Variants in RAD51B observed in about 807,000 individuals in gnomAD.
The protein encoded by RAD51B is DNA repair protein RAD51 homolog 2.
Under a neutral mutation model 42.2 loss-of-function variants are expected in RAD51B, and 38 were observed. The ratio of observed to expected loss-of-function variants is 0.90; its 90% CI spans 0.70 to 1.18. The LOEUF is 1.18. RAD51B is among the 50% of genes most tolerant of loss of function. The pLI is 0.00. For missense variants in RAD51B, 373 were observed against 400.7 expected, an observed-to-expected ratio of 0.93 and a Z score of 0.59; for synonymous variants, 154 against 145.2, an observed-to-expected ratio of 1.06 and a Z score of -0.43.
At chr14:68,570,603 A>G (rs11628293) in intron 10 of RAD51B, among the ~76,000 whole-genome samples, 27,308 of 152,200 alleles carry the variant, frequency 0.18, 3,225 homozygotes, top group Non-Finnish European at 0.27. Flanking sequence ...CAGCTGAGCC[A>G]GGAGGGGGGT....
chr14:68,399,071 A>G (rs1329314142), intron 8 of RAD51B, among the ~76,000 whole-genome samples: 2 of 152,144 alleles, frequency 1.3e-5, no homozygotes, highest in African/African-American at 2.4e-5. Context: ...TGAATGCCCT[A>G]GTAATTTCTC....
chr14:67,894,451 A>C (rs1273206582), intron 7 of RAD51B, among the ~76,000 whole-genome samples: 1 of 152,182 alleles, frequency 6.6e-6, no homozygotes, highest in Non-Finnish European at 1.5e-5. Context: ...TTCCACCTAC[A>C]GCACTTGTGT....
chr14:68,602,317 C>T (rs1891250861), intron 10 of RAD51B, among the ~76,000 whole-genome samples: 1 of 151,994 alleles, frequency 6.6e-6, no homozygotes, highest in Non-Finnish European at 1.5e-5. Context: ...CATATGTTCA[C>T]ATACCCCTCC....
rs1594761489 is a variant in RAD51B at position 68,386,009 on chromosome 14, G to T, written c.854-25415G>T. Among the ~76,000 whole-genome samples, 5 of 152,308 alleles carry T rather than the reference G, an allele frequency of 3.3e-5. 1 individual carries two copies. In the South Asian group the frequency reaches 1.0e-3, roughly 32 times the overall value. Reference sequence around the variant, plus strand: ...GAGTCTGTGCTCTTAGCCACTTGTGGTCACTTAAGATAGTCCCTTAATCAC... The same window carrying T: ...GAGTCTGTGCTCTTAGCCACTTGTGTTCACTTAAGATAGTCCCTTAATCAC... On this transcript the variant is annotated intron_variant, in intron 8 of 10. Coordinates refer to ENST00000471583, the MANE Select transcript of RAD51B (RefSeq NM_133510.4).
intron 8 of RAD51B, among the ~76,000 whole-genome samples, chr14:68,385,615 C>G (rs572787760): frequency 6.6e-6 from 1 of 152,158 alleles, no homozygotes; most frequent in Admixed American, 6.5e-5. Context: ...ATGACCCTTA[C>G]GGTACTTTCT....
At chr14:68,603,811 C>T (rs764157092) in intron 10 of RAD51B, among the ~76,000 whole-genome samples, 33 of 152,374 alleles carry the variant, frequency 2.2e-4, no homozygotes, top group Middle Eastern at 6.8e-3. Context: ...TTCAGTGTAT[C>T]CAGCCCTGCG....
chr14:68,088,626 G>C (rs1566635209), intron 7 of RAD51B, among the ~76,000 whole-genome samples: 1 of 141,612 alleles, frequency 7.1e-6, no homozygotes, highest in African/African-American at 2.6e-5. Context: ...GTGTGAGACA[G>C]AGAGAGAGAG....
intron 8 of RAD51B, among the ~76,000 whole-genome samples, chr14:68,351,402 T>G (rs570703593): frequency 2.8e-4 from 43 of 152,316 alleles, no homozygotes; most frequent in African/African-American, 9.9e-4. Context: ...TTATTCTTTA[T>G]TCAATAATTA....
chr14:67,981,245 A>T (rs1256482319), intron 7 of RAD51B, among the ~76,000 whole-genome samples: 1 of 152,222 alleles, frequency 6.6e-6, no homozygotes, highest in Non-Finnish European at 1.5e-5. Context: ...TTTTCTATAA[A>T]TATGTACAAT....
In RAD51B at chr14:67,865,034, A is replaced by T; in HGVS notation, c.347A>T (p.Gln116Leu). Residue 116 changes from glutamine to leucine, a missense_variant, in exon 5 of 11, where the codon CAG becomes CTG. Transcript: ENST00000471583. ...ITGPPGCGKT[Q>L]FCIMMSILAT... ...GGTCCACCAGGTTGTGGAAAAACTC[A>T]GTTTTGTATAATGATGAGCATTTTG... 1 of 1,341,080 alleles carries T rather than the reference A, an allele frequency of 7.5e-7. No individual in the cohort carries two copies. The allele number at this position is 1,341,080 out of a possible 1,614,324, so 83.1% of individuals were successfully genotyped here. A position where few individuals can be genotyped will look rare whatever the true frequency, so the allele number is the denominator to read the frequency against.
chr14:67,832,350 T>C (rs1159668962), intron 3 of RAD51B, among the ~76,000 whole-genome samples: 1 of 152,212 alleles, frequency 6.6e-6, no homozygotes, highest in Non-Finnish European at 1.5e-5. Flanking sequence ...AAATTGTATA[T>C]AGTATACATG....
chr14:68,138,899 A>T (rs548849855), intron 7 of RAD51B, among the ~76,000 whole-genome samples: 37 of 152,160 alleles, frequency 2.4e-4, no homozygotes, highest in African/African-American at 7.7e-4. Context: ...TTCATGTTTA[A>T]TTCCTTTTTG....
At chr14:68,052,094 C>T in intron 7 of RAD51B, among the ~76,000 whole-genome samples, 1 of 152,150 alleles carries the variant, frequency 6.6e-6, no homozygotes, top group Non-Finnish European at 1.5e-5. Context: ...AGCTCTGTGT[C>T]TCTTTATCTC....
chr14:67,985,738 CAA>C (rs780250572), intron 7 of RAD51B, among the ~76,000 whole-genome samples: 5 of 134,000 alleles, frequency 3.7e-5, no homozygotes, highest in African/African-American at 1.4e-4. Context: ...CACATCTCTA[CAA>C]AAAAAAAAAA....
At chr14:68,136,011 A>T (rs927614501) in intron 7 of RAD51B, among the ~76,000 whole-genome samples, 10 of 152,264 alleles carry the variant, frequency 6.6e-5, no homozygotes, top group East Asian at 1.9e-4. Flanking sequence ...TATTATTTAT[A>T]AAAAAAGTGA....
At chr14:67,916,213 AT>A (rs1051424546) in intron 7 of RAD51B, among the ~76,000 whole-genome samples, 2 of 152,188 alleles carry the variant, frequency 1.3e-5, no homozygotes, top group Non-Finnish European at 2.9e-5. Context: ...ATGCCATCAT[AT>A]TTTATTGCCT....
chr14:68,011,048 A>G (rs1196897321), intron 7 of RAD51B, among the ~76,000 whole-genome samples: 1 of 152,002 alleles, frequency 6.6e-6, no homozygotes, highest in Admixed American at 6.6e-5. Flanking sequence ...ATTTTGAAAT[A>G]ATACTTCTAA....
chr14:68,439,087 T>C (rs921263921), intron 9 of RAD51B, among the ~76,000 whole-genome samples: 1 of 152,026 alleles, frequency 6.6e-6, no homozygotes, highest in Non-Finnish European at 1.5e-5. Flanking sequence ...TCCCTTTCCA[T>C]TGAGTCTGGT....
chr14:68,183,725 A>T (rs575274975), intron 7 of RAD51B, among the ~76,000 whole-genome samples: 1 of 152,108 alleles, frequency 6.6e-6, no homozygotes, highest in South Asian at 2.1e-4. Flanking sequence ...AGGTGGGAGG[A>T]TTGCTTGAGC....
Sources: gnomAD v4.1 joint callset for allele counts (sites outside exome capture counted in the v4.1 genomes callset) on GRCh38, gnomAD v4.1.1 for gene constraint, MANE v1.5 for transcripts, NCBI Gene and HGNC (gene_info 2026-07-23, HGNC 2026-07-21) for gene names.